Variants in CALD1 observed in about 807,000 individuals in gnomAD.
CALD1 encodes caldesmon 1.
CALD1 carries 33 observed loss-of-function variants against 99.9 expected under a neutral mutation model. The observed-to-expected ratio is 0.33, with a 90% CI of 0.25 to 0.44. The LOEUF (loss-of-function observed/expected upper bound fraction) is 0.44, where lower values mean the gene tolerates loss of function less well. Ranked by LOEUF, CALD1 falls within the 20% of genes least tolerant of loss-of-function variation. The pLI, the probability that CALD1 is intolerant of heterozygous loss-of-function variation, is 1.00. For missense variants in CALD1, 861 were observed against 962.1 expected, an observed-to-expected ratio of 0.89 and a Z score of 1.39; for synonymous variants, 310 against 325.0, an observed-to-expected ratio of 0.95 and a Z score of 0.50.
intron 3 of CALD1, among the ~76,000 whole-genome samples, chr7:134,921,671 G>T (rs1804632128): frequency 6.6e-6 from 1 of 152,160 alleles, no homozygotes; most frequent in Non-Finnish European, 1.5e-5. Flanking sequence ...AATTAATTGG[G>T]CGTGGTGGCA....
chr7:134,907,861 T>A (rs1170883511), intron 3 of CALD1, among the ~76,000 whole-genome samples: 1 of 152,088 alleles, frequency 6.6e-6, no homozygotes, highest in Non-Finnish European at 1.5e-5. Flanking sequence ...AATAAGGGAA[T>A]GAACAAGCGC....
At chr7:134,866,264 G>A (rs191911809) in intron 2 of CALD1, among the ~76,000 whole-genome samples, 10 of 152,258 alleles carry the variant, frequency 6.6e-5, no homozygotes, top group Admixed American at 6.5e-4. Flanking sequence ...TATGGTCGAT[G>A]AAATAATAAG....
Position 134,947,559 on chromosome 7 carries a change from C to G in CALD1, c.1584C>G (p.Pro528=), listed in dbSNP as rs1297574645. ...ACACCAAGGAGGCTGAGGGCGCCCCCCAGGTGGAAGCCGGCAAAAGGCTGG... is the reference window on the plus strand; with the variant it reads ...ACACCAAGGAGGCTGAGGGCGCCCCGCAGGTGGAAGCCGGCAAAAGGCTGG... ...SVDTKEAEGA[P]QVEAGKRLEE... The change falls in exon 8 of 15, where the codon CCC becomes CCG. Residue 528 remains proline (P), a synonymous_variant. Transcript: ENST00000361675. 8 of 1,563,168 alleles carry G rather than the reference C, an allele frequency of 5.1e-6. No individual in the cohort carries two copies. The highest frequency in any genetic ancestry group is 6.9e-6 in the Non-Finnish European group (8 of 1,153,388).
chr7:134,872,357 C>CAA (rs35569742), intron 3 of CALD1, among the ~76,000 whole-genome samples: 1,853 of 99,574 alleles, frequency 0.019, 67 homozygotes, highest in African/African-American at 0.048. Flanking sequence ...GACTCGGTCT[C>CAA]AAAAAAAAAA....
Position 134,941,312 on chromosome 7 carries a change from C to T in CALD1, c.1532+75C>T. On this transcript the variant is annotated intron_variant, in intron 7 of 14. Transcript: ENST00000361675. ...AAAAAAAAAAAGTCAGTCTTCCCAT[C>T]CTGTGCTTCCAGACAGAAACGTGCT... is the stretch of plus-strand genomic sequence containing the variant. 2.5e-6 allele frequency: 3 copies of T among 1,224,370 alleles called. No individual in the cohort carries two copies. In the South Asian group the frequency reaches 4.5e-5, roughly 18 times the overall value. The allele number at this position is 1,224,370 out of a possible 1,614,324, so 75.8% of individuals were successfully genotyped here. A position where few individuals can be genotyped will look rare whatever the true frequency, so the allele number is the denominator to read the frequency against.
At chr7:134,785,087 G>A (rs1323902810) in intron 1 of CALD1, among the ~76,000 whole-genome samples, 1 of 152,154 alleles carries the variant, frequency 6.6e-6, no homozygotes, top group Non-Finnish European at 1.5e-5. Context: ...AGTTAGAAGA[G>A]AAATTGAGCA....
intron 3 of CALD1, among the ~76,000 whole-genome samples, chr7:134,924,896 C>A (rs983623535): frequency 6.6e-6 from 1 of 152,084 alleles, no homozygotes; most frequent in Non-Finnish European, 1.5e-5. Context: ...TAAGGGGGGG[C>A]TCTTCCTCCT....
the CALD1 span, among the ~76,000 whole-genome samples, chr7:134,739,219 A>C: frequency 6.6e-6 from 1 of 152,258 alleles, no homozygotes; most frequent in Non-Finnish European, 1.5e-5. Context: ...AATGTGACAC[A>C]AATGGGCACA....
chr7:134,737,344 G>C, the CALD1 span, among the ~76,000 whole-genome samples: 2 of 151,950 alleles, frequency 1.3e-5, no homozygotes, highest in Admixed American at 1.3e-4. Context: ...TCCCAGGCTG[G>C]TCTTGAACTC....
At chr7:134,793,643 G>T (rs1338558140) in intron 1 of CALD1, among the ~76,000 whole-genome samples, 1 of 151,968 alleles carries the variant, frequency 6.6e-6, no homozygotes. Flanking sequence ...ACCATTTATC[G>T]TCAAACTGGG....
At chr7:134,926,723 G>A (rs1022533258) in intron 3 of CALD1, among the ~76,000 whole-genome samples, 1 of 152,112 alleles carries the variant, frequency 6.6e-6, no homozygotes, top group Admixed American at 6.5e-5. Context: ...TTAATATATG[G>A]TATAAGTAGT....
intron 2 of CALD1, among the ~76,000 whole-genome samples, chr7:134,862,361 A>G (rs915449375): frequency 1.3e-5 from 2 of 152,194 alleles, no homozygotes; most frequent in Non-Finnish European, 2.9e-5. Flanking sequence ...TTACCCAGAT[A>G]AAGTAAAATT....
chr7:134,917,248 T>C (rs1586298490), intron 3 of CALD1, among the ~76,000 whole-genome samples: 1 of 152,326 alleles, frequency 6.6e-6, no homozygotes, highest in East Asian at 1.9e-4. Flanking sequence ...TGTCCTTTAA[T>C]AGATAATAGC....
At chr7:134,729,752 G>A in the CALD1 span, among the ~76,000 whole-genome samples, 13 of 152,368 alleles carry the variant, frequency 8.5e-5, no homozygotes, top group Non-Finnish European at 1.5e-4. Flanking sequence ...AAAGGCAGAG[G>A]ACAGGGGCAA....
chr7:134,719,196 T>C, the CALD1 span, among the ~76,000 whole-genome samples: 2 of 151,982 alleles, frequency 1.3e-5, no homozygotes, highest in Non-Finnish European at 2.9e-5. Flanking sequence ...TGAAGGTCAC[T>C]GGGAACGGAA....
At chr7:134,826,338 C>T (rs750442741) in intron 1 of CALD1, among the ~76,000 whole-genome samples, 65 of 152,228 alleles carry the variant, frequency 4.3e-4, no homozygotes, top group Admixed American at 2.2e-3. Context: ...GTTGCTCCTT[C>T]GTCATGTTTG....
At chr7:134,872,306 C>T (rs1238355926) in intron 3 of CALD1, among the ~76,000 whole-genome samples, 1 of 142,842 alleles carries the variant, frequency 7.0e-6, no homozygotes, top group Non-Finnish European at 1.5e-5. Context: ...TGCAGTGAGC[C>T]GAGATTACGC....
chr7:134,778,548 C>T (rs1796976150), upstream of CALD1, among the ~76,000 whole-genome samples: 1 of 152,194 alleles, frequency 6.6e-6, no homozygotes, highest in Non-Finnish European at 1.5e-5. Context: ...AAGGGGATTT[C>T]AATTTTAATT....
chr7:134,937,672 A>C (rs1806096682), intron 6 of CALD1, among the ~76,000 whole-genome samples: 1 of 152,036 alleles, frequency 6.6e-6, no homozygotes, highest in Admixed American at 6.6e-5. Context: ...AAAGCAACTA[A>C]CTAAAACCTT....
Sources: allele counts gnomAD v4.1 joint callset (sites outside exome capture counted in the v4.1 genomes callset), GRCh38; gene constraint gnomAD v4.1.1; transcripts MANE v1.5; gene names NCBI Gene and HGNC (gene_info 2026-07-23, HGNC 2026-07-21).